The following C22orf31 variants were observed in gnomAD, a reference collection of about 807,000 sequenced individuals.
The protein encoded by C22orf31 is uncharacterized protein C22orf31.
In C22orf31, 11 loss-of-function variants were observed where a neutral mutation model predicts 15.0. The observed-to-expected ratio is 0.73, with a 90% CI of 0.46 to 1.21. The LOEUF (loss-of-function observed/expected upper bound fraction) is 1.21. Among genes scored for constraint, C22orf31 ranks in the 50% most tolerant of loss-of-function variants. The pLI, the probability that C22orf31 is intolerant of heterozygous loss-of-function variation, is 0.00. For synonymous variants in C22orf31, 132 were observed against 133.3 expected, an observed-to-expected ratio of 0.99 and a Z score of 0.07; for missense variants, 340 against 347.2, an observed-to-expected ratio of 0.98 and a Z score of 0.17.
chr22:29,069,461 C>A, the C22orf31 span, among the ~76,000 whole-genome samples: 9 of 152,134 alleles, frequency 5.9e-5, no homozygotes, highest in Non-Finnish European at 2.9e-5. Flanking sequence ...AAGAAAGGGG[C>A]CTTACTTGCA....
Position 29,060,429 on chromosome 22 carries a change from C to A in C22orf31, c.418G>T (p.Gly140Ter). ...TCCTCGTCTACCTCTCTGATGCCTC[C>A]TGCAGGCCTCCTATGCCCTGCTGGC... The part of the protein sequence containing the change: ...KQPAGHRRPA[G>*]GIRESKESSK... Residue 140 changes from glycine (G) to a stop codon, truncating the protein, a stop_gained, in exon 2 of 3, where the codon GGA (glycine) becomes TGA (stop). Coordinates refer to ENST00000216071, the MANE Select transcript of C22orf31 (RefSeq NM_015370.2). LOFTEE classifies it low-confidence loss of function (END_TRUNC). 6.2e-7 allele frequency: 1 copy of A among 1,612,786 alleles called. No individual in the cohort carries two copies. The highest frequency in any genetic ancestry group is 1.3e-5 in the African/African-American group (1 of 74,912).
chr22:29,061,951 G>T, upstream of C22orf31: 1 of 590,722 alleles, frequency 1.7e-6, no homozygotes, highest in Non-Finnish European at 3.0e-6. Flanking sequence ...GCAAATTGCT[G>T]TTTGTTTAGA....
chr22:29,060,997 C>T (rs996496684), intron 1 of C22orf31, among the ~76,000 whole-genome samples, 154 bp from the exon 2 acceptor site: 8 of 152,192 alleles, frequency 5.3e-5, no homozygotes, highest in African/African-American at 1.9e-4. Flanking sequence ...CTCCTGTTCA[C>T]CAAAGCCTTT....
In C22orf31 at chr22:29,058,798, C is replaced by A; in HGVS notation, c.817G>T (p.Gly273Cys). The stretch of plus-strand genomic sequence containing the variant: ...TTGAGTACAGGCTCCTCGTGGACAC[C>A]TGGCTGCTTCCTGCCAGGGAACCGG... Reference protein sequence around the residue: ...RDRFPGRKQPGVHEEPVLKKW... With the variant: ...RDRFPGRKQPCVHEEPVLKKW... The change falls in exon 3 of 3, where the codon GGT (glycine) becomes TGT (cysteine). Residue 273 changes from glycine to cysteine, a missense_variant. Gly to Cys is a radical substitution (Grantham distance 159, BLOSUM62 -3). Coordinates refer to ENST00000216071, the MANE Select transcript of C22orf31 (RefSeq NM_015370.2). The A allele has an allele frequency of 6.2e-7, 1 of 1,614,194 alleles. No individual in the cohort carries two copies.
At chr22:29,072,197 T>G in the C22orf31 span, among the ~76,000 whole-genome samples, 1 of 152,032 alleles carries the variant, frequency 6.6e-6, no homozygotes, top group Admixed American at 6.6e-5. Context: ...CAGGCTGGAG[T>G]GCAGTGGTGC....
chr22:29,069,846 T>C, the C22orf31 span, among the ~76,000 whole-genome samples: 8 of 152,084 alleles, frequency 5.3e-5, no homozygotes, highest in African/African-American at 1.7e-4. Flanking sequence ...ACCATTTTCA[T>C]GGGCGTGCAA....
the C22orf31 span, among the ~76,000 whole-genome samples, chr22:29,071,214 C>T: frequency 6.6e-6 from 1 of 151,974 alleles, no homozygotes; most frequent in African/African-American, 2.4e-5. Flanking sequence ...ATGGTGGGTG[C>T]CCCTAAGTTC....
rs758134845 is a variant in C22orf31, at chr22:29,060,579, A to AG, written c.267dup (p.Cys90LeufsTer47). 3 of 1,614,214 alleles carry AG rather than the reference A, an allele frequency of 1.9e-6. No individual in the cohort carries two copies. Among genetic ancestry groups the AG allele is most frequent in the Non-Finnish European group, 2.5e-6 (3 of 1,180,046 alleles). On this transcript the variant is annotated frameshift_variant, in exon 2 of 3. Coordinates refer to ENST00000216071, the MANE Select transcript of C22orf31 (RefSeq NM_015370.2). LOFTEE classifies it high-confidence loss of function. Reference sequence around the variant, plus strand: ...TCTCCAAACTTGCATGGTGGTGGGCAGCACTTATTCTTCAGTTGCCGCCTG... The same window carrying AG: ...TCTCCAAACTTGCATGGTGGTGGGCAGGCACTTATTCTTCAGTTGCCGCCTG...
chr22:29,060,000 G>A (rs2037366744), intron 2 of C22orf31: 1 of 936,350 alleles, frequency 1.1e-6, no homozygotes, highest in African/African-American at 1.8e-5. Flanking sequence ...CCTTCACTTG[G>A]TATAGATCTT....
chr22:29,064,675 A>ATTTTTTTTTTTTTTTTTTTTTTTTTTTTT (rs563569423), upstream of C22orf31, among the ~76,000 whole-genome samples: 1 of 51,290 alleles, frequency 1.9e-5, no homozygotes, highest in Non-Finnish European at 3.6e-5. Flanking sequence ...TTGCCCAGTG[A>ATTTTTTTTTTTTTTTTTTTTTTTTTTTTT]TTTTTTTTTT....
At chr22:29,068,432 A>G in the C22orf31 span, among the ~76,000 whole-genome samples, 2 of 128,984 alleles carry the variant, frequency 1.6e-5, no homozygotes, top group African/African-American at 6.0e-5. Flanking sequence ...TTTTTTTGAG[A>G]CGGAGTCTTG....
chr22:29,060,738 G>C lies in C22orf31; in HGVS notation c.109C>G (p.Leu37Val). 1.2e-6 allele frequency: 2 copies of C among 1,614,158 alleles called. No homozygotes were observed. The highest frequency in any genetic ancestry group is 2.7e-5 in the African/African-American group (2 of 75,028). The change falls in exon 2 of 3, where the codon CTC (leucine) becomes GTC (valine). Residue 37 changes from leucine to valine, a missense_variant. By Grantham distance (32) the Leu-to-Val change is conservative. Transcript: ENST00000216071. ...GTTCTGGCCATCCAGATGTTGGTGAGAGCCGGTGAGTCCACATAGCAGTCC... is the reference window on the plus strand; with the variant it reads ...GTTCTGGCCATCCAGATGTTGGTGACAGCCGGTGAGTCCACATAGCAGTCC... ...LQDCYVDSPA[L>V]TNIWMARTCA...
At chr22:29,066,539 C>CTTTTT (rs134565), upstream of C22orf31, among the ~76,000 whole-genome samples, 219 of 70,220 alleles carry the variant, frequency 3.1e-3, 11 homozygotes, top group Non-Finnish European at 4.4e-3. Flanking sequence ...CTTTTCTTTT[C>CTTTTT]TTTTTTTTTT....
chr22:29,061,681 T>G, intron 1 of C22orf31, 109 bp downstream of exon 1: 3 of 796,224 alleles, frequency 3.8e-6, no homozygotes, highest in Middle Eastern at 3.4e-4. Context: ...GGCCTCCATT[T>G]CCTGGGACCA....
At chr22:29,060,021 C>CTTTTTTTTTTTTTTT (rs60208241) in intron 2 of C22orf31, 17 of 541,652 alleles carry the variant, frequency 3.1e-5, no homozygotes, top group East Asian at 1.8e-4. Flanking sequence ...TTTTTCTTTT[C>CTTTTTTTTTTTTTTT]TTTTTTTTTT....
chr22:29,071,365 C>A, the C22orf31 span, among the ~76,000 whole-genome samples: 1 of 152,126 alleles, frequency 6.6e-6, no homozygotes, highest in South Asian at 2.1e-4. Flanking sequence ...GTAGCTGCGC[C>A]CTTGGGGCCC....
upstream of C22orf31, among the ~76,000 whole-genome samples, chr22:29,064,203 C>G (rs1369178557): frequency 6.6e-6 from 1 of 152,208 alleles, no homozygotes; most frequent in Admixed American, 6.5e-5. Context: ...ACAGTTATCA[C>G]CGTGATGCCT....
rs750098946 is a variant in C22orf31, at chr22:29,060,432, C to T, written c.415G>A (p.Ala139Thr). The T allele has an allele frequency of 6.2e-7, 1 of 1,612,700 alleles. No individual in the cohort carries two copies. The highest frequency in any genetic ancestry group is 8.5e-7 in the Non-Finnish European group (1 of 1,179,654). The change falls in exon 2 of 3, where the codon GCA (alanine) becomes ACA (threonine). Residue 139 changes from alanine to threonine, a missense_variant. Ala to Thr is a moderately conservative substitution (Grantham distance 58, BLOSUM62 0). Coordinates refer to ENST00000216071, the MANE Select transcript of C22orf31 (RefSeq NM_015370.2). ...SKQPAGHRRP[A>T]GGIRESKESS... The stretch of plus-strand genomic sequence containing the variant: ...TCGTCTACCTCTCTGATGCCTCCTG[C>T]AGGCCTCCTATGCCCTGCTGGCTGC...
chr22:29,059,608 C>G lies in C22orf31; in HGVS notation c.433-426G>C, dbSNP rs78068869. 3,767 of 806,098 alleles carry G rather than the reference C, an allele frequency of 4.7e-3. 115 individuals carry two copies. The African/African-American group carries it at 0.064, about 14-fold the overall frequency. The allele number at this position is 806,098 out of a possible 1,614,324, so 49.9% of individuals were successfully genotyped here. On this transcript the variant is annotated intron_variant, in intron 2 of 2. Coordinates refer to ENST00000216071, the MANE Select transcript of C22orf31 (RefSeq NM_015370.2). Reference sequence around the variant, plus strand: ...TATCAAGGCACAAAGAAATTAAGCCCGAGGTCGTCCTCAATTACAGTCCGA... The same window carrying G: ...TATCAAGGCACAAAGAAATTAAGCCGGAGGTCGTCCTCAATTACAGTCCGA...
Sources: allele counts gnomAD v4.1 joint callset (sites outside exome capture counted in the v4.1 genomes callset), GRCh38; gene constraint gnomAD v4.1.1; transcripts MANE v1.5; gene names NCBI Gene and HGNC (gene_info 2026-07-23, HGNC 2026-07-21).